The following FRMD5 variants were observed in gnomAD, a reference collection of about 807,000 sequenced individuals.
FRMD5 encodes the protein FERM domain-containing protein 5.
A neutral mutation model predicts 69.0 loss-of-function variants in FRMD5; 20 were observed. That is an observed-to-expected ratio of 0.29 (90% CI 0.20 to 0.42). The LOEUF is 0.42. FRMD5 is among the 10% of genes least tolerant of loss of function. The pLI is 1.00. For synonymous variants in FRMD5, 271 were observed against 260.1 expected, an observed-to-expected ratio of 1.04 and a Z score of -0.40; for missense variants, 595 against 708.6, an observed-to-expected ratio of 0.84 and a Z score of 1.82.
chr15:43,902,462 G>T (rs1357783200), intron 6 of FRMD5, among the ~76,000 whole-genome samples, 200 bp from the exon 7 acceptor site: 3 of 152,072 alleles, frequency 2.0e-5, no homozygotes, highest in Non-Finnish European at 2.9e-5. Context: ...GAGTGAGGCA[G>T]GCTACATAAT....
rs540266606 is a variant in FRMD5 at position 44,074,218 on chromosome 15, C to G, written c.102+120735G>C. Among the ~76,000 whole-genome samples the G allele has an allele frequency of 1.1e-4, 17 of 152,236 alleles. No individual in the cohort carries two copies. In the South Asian group the frequency reaches 2.5e-3, roughly 22 times the overall value. ...CGTGTTCAGAATCATAGAAGCCCCCCCAAAGTAATAATTGGGCCTGGAAGT... is the reference window on the plus strand; with the variant it reads ...CGTGTTCAGAATCATAGAAGCCCCCGCAAAGTAATAATTGGGCCTGGAAGT... On this transcript the variant is annotated intron_variant, in intron 1 of 13. Transcript: ENST00000417257.
intron 7 of FRMD5, among the ~76,000 whole-genome samples, chr15:43,901,102 G>A (rs533096881): frequency 1.1e-4 from 16 of 152,284 alleles, no homozygotes; most frequent in African/African-American, 3.9e-4. Flanking sequence ...AATCTGGACA[G>A]AGACATGTAC....
At chr15:43,945,692 AT>A (rs1050093252) in intron 1 of FRMD5, among the ~76,000 whole-genome samples, 3 of 152,114 alleles carry the variant, frequency 2.0e-5, no homozygotes, top group African/African-American at 7.2e-5. Flanking sequence ...CTTTGTGAAG[AT>A]TTCTTAGGCA....
intron 1 of FRMD5, among the ~76,000 whole-genome samples, chr15:43,938,887 A>G (rs548835694): frequency 6.6e-6 from 1 of 152,168 alleles, no homozygotes; most frequent in Non-Finnish European, 1.5e-5. Flanking sequence ...TTGGAGACAG[A>G]GTCTCACCCT....
intron 1 of FRMD5, among the ~76,000 whole-genome samples, chr15:44,160,712 C>A (rs2077603546): frequency 6.6e-6 from 1 of 152,178 alleles, no homozygotes; most frequent in South Asian, 2.1e-4. Context: ...GCTTTTCAAG[C>A]TAATTTTAAA....
At chr15:44,014,011 C>A (rs1890844248) in intron 1 of FRMD5, among the ~76,000 whole-genome samples, 1 of 152,104 alleles carries the variant, frequency 6.6e-6, no homozygotes, top group African/African-American at 2.4e-5. Context: ...TGCCTGCCAC[C>A]ACGCCCGGCT....
chr15:44,036,325 C>T (rs1355776689), intron 1 of FRMD5, among the ~76,000 whole-genome samples: 1 of 151,960 alleles, frequency 6.6e-6, no homozygotes, highest in Non-Finnish European at 1.5e-5. Context: ...CACCCTCACG[C>T]ACCTGCTCAA....
chr15:44,038,914 C>A (rs1367372250), intron 1 of FRMD5, among the ~76,000 whole-genome samples: 1 of 152,142 alleles, frequency 6.6e-6, no homozygotes, highest in Admixed American at 6.6e-5. Context: ...CCCCATAGAG[C>A]CGAGCAAGCT....
chr15:43,882,436 G>A (rs1176647476), intron 13 of FRMD5, among the ~76,000 whole-genome samples: 2 of 151,986 alleles, frequency 1.3e-5, no homozygotes, highest in Non-Finnish European at 2.9e-5. Context: ...TCAGCTCACT[G>A]CAACCTCCGC....
At chr15:43,921,975 G>A (rs893054864) in intron 2 of FRMD5, among the ~76,000 whole-genome samples, 1 of 152,096 alleles carries the variant, frequency 6.6e-6, no homozygotes, top group African/African-American at 2.4e-5. Flanking sequence ...GTTTATTTTA[G>A]GCCCTTACAC....
At chr15:44,092,818 T>C (rs1299913036) in intron 1 of FRMD5, among the ~76,000 whole-genome samples, 1 of 152,140 alleles carries the variant, frequency 6.6e-6, no homozygotes, top group Non-Finnish European at 1.5e-5. Context: ...ATGTCCTTCA[T>C]AAAGTCTTTC....
intron 6 of FRMD5, among the ~76,000 whole-genome samples, chr15:43,905,549 A>C (rs946797567): frequency 1.3e-5 from 2 of 152,134 alleles, no homozygotes; most frequent in Non-Finnish European, 2.9e-5. Context: ...ATGCCTTTCA[A>C]AGGCCAATCC....
chr15:44,166,186 T>A (rs2077705818), intron 1 of FRMD5, among the ~76,000 whole-genome samples: 1 of 152,182 alleles, frequency 6.6e-6, no homozygotes, highest in Admixed American at 6.5e-5. Flanking sequence ...GAAATAAACA[T>A]TTTTCACATG....
At chr15:43,979,725 A>G (rs1027093143) in intron 1 of FRMD5, among the ~76,000 whole-genome samples, 4 of 152,198 alleles carry the variant, frequency 2.6e-5, no homozygotes, top group African/African-American at 9.6e-5. Flanking sequence ...GAATATTTTT[A>G]TATATTTTCT....
At position 43,901,992 on chromosome 15, in the gene FRMD5, C is replaced by G. The variant is rs1595498815; in HGVS notation, c.639+183G>C. On this transcript the variant is annotated intron_variant, in intron 7 of 13. Transcript: ENST00000417257. Reference sequence around the variant, plus strand: ...GGTTCCTCTGACATTGATGTGGCACCACAAAATTATGTAGCATGTGATCCA... The same window carrying G: ...GGTTCCTCTGACATTGATGTGGCACGACAAAATTATGTAGCATGTGATCCA... The G allele has an allele frequency of 2.6e-5, 15 of 578,892 alleles. No individual in the cohort carries two copies. In the East Asian group the frequency reaches 4.3e-4, roughly 17 times the overall value. The allele number at this position is 578,892 out of a possible 1,614,324, so 35.9% of individuals were successfully genotyped here. A position where few individuals can be genotyped will look rare whatever the true frequency, so the allele number is the denominator to read the frequency against.
chr15:44,179,725 G>T (rs2077962522), intron 1 of FRMD5, among the ~76,000 whole-genome samples: 1 of 152,138 alleles, frequency 6.6e-6, no homozygotes, highest in Non-Finnish European at 1.5e-5. Context: ...AAAGGGGCTG[G>T]CGGGATCATC....
intron 4 of FRMD5, among the ~76,000 whole-genome samples, chr15:43,914,528 T>C (rs1380786457): frequency 6.6e-6 from 1 of 152,134 alleles, no homozygotes; most frequent in East Asian, 1.9e-4. Context: ...ACTTACTATA[T>C]GTGCCAGGCA....
intron 1 of FRMD5, among the ~76,000 whole-genome samples, chr15:44,065,146 C>T (rs1388046609): frequency 1.3e-5 from 2 of 152,194 alleles, no homozygotes; most frequent in East Asian, 1.9e-4. Flanking sequence ...AAATAACTCA[C>T]AAAGTTGCTA....
Position 43,882,638 on chromosome 15 carries a change from C to T in FRMD5, c.1135+1065G>A, listed in dbSNP as rs1050997906. On this transcript the variant is annotated intron_variant, in intron 13 of 13. Coordinates refer to ENST00000417257, the MANE Select transcript of FRMD5 (RefSeq NM_032892.5). ...CCTCCCAGAGTGCTGGGACTACAGG[C>T]GTGAGCCACTGCCCAGCCAACGGGA... is the stretch of plus-strand genomic sequence containing the variant. 3.9e-5 allele frequency among the ~76,000 whole-genome samples: 6 copies of T among 152,050 alleles called. 1 individual carries two copies. Among genetic ancestry groups the T allele is most frequent in the South Asian group, 4.2e-4 (2 of 4,818 alleles).
Sources: allele counts gnomAD v4.1 joint callset (sites outside exome capture counted in the v4.1 genomes callset), GRCh38; gene constraint gnomAD v4.1.1; transcripts MANE v1.5; gene names NCBI Gene and HGNC (gene_info 2026-07-23, HGNC 2026-07-21).